Variants in KMT2A observed in about 807,000 individuals in gnomAD.
KMT2A encodes histone-lysine N-methyltransferase 2A.
KMT2A carries 16 observed loss-of-function variants against 345.3 expected under a neutral mutation model. The observed-to-expected ratio is 0.05, with a 90% CI of 0.03 to 0.07. The LOEUF (loss-of-function observed/expected upper bound fraction) is 0.07, where lower values mean the gene tolerates loss of function less well. Ranked by LOEUF, KMT2A falls within the 10% of genes least tolerant of loss-of-function variation. The probability of loss-of-function intolerance (pLI) is 1.00; values close to 1 mark genes in which losing one functional copy is unlikely to be tolerated. For synonymous variants in KMT2A, 1,599 were observed against 1,778.6 expected, an observed-to-expected ratio of 0.90 and a Z score of 2.54; for missense variants, 3,272 against 4,841.6, an observed-to-expected ratio of 0.68 and a Z score of 9.62.
chr11:118,496,157 G>T lies in KMT2A; in HGVS notation c.5558-104G>T. The T allele has an allele frequency of 1.1e-6, 1 of 878,472 alleles. No individual in the cohort carries two copies. Among genetic ancestry groups the T allele is most frequent in the African/African-American group, 1.7e-5 (1 of 60,212 alleles). 54.4% of individuals were successfully genotyped at this position (878,472 alleles called of 1,614,324 possible). ...GAAAAGTGGTTATTTTATAGGCTGT[G>T]GGCTATGTAAGCTGAATTATTTCTT... On this transcript the variant is annotated intron_variant, in intron 19 of 35. Transcript: ENST00000534358. This position sits in a 1 kb window ranked among gnomAD's most constrained non-coding sequence, Gnocchi z 4.7.
At chr11:118,467,184 C>A (rs1443468516) in intron 1 of KMT2A, among the ~76,000 whole-genome samples, 2 of 151,994 alleles carry the variant, frequency 1.3e-5, no homozygotes, top group African/African-American at 4.8e-5. Context: ...TGAGACCAAC[C>A]TGCCCAACAT....
chr11:118,452,641 G>C (rs1283008197), intron 1 of KMT2A, among the ~76,000 whole-genome samples: 1 of 131,618 alleles, frequency 7.6e-6, no homozygotes, highest in Non-Finnish European at 1.6e-5. Flanking sequence ...TTTCTTTCTT[G>C]TTTTTTTTTT....
Position 118,436,937 on chromosome 11 carries a change from G to A in KMT2A, c.425G>A (p.Ser142Asn), listed in dbSNP as rs1555138826. 2 of 1,534,248 alleles carry A rather than the reference G, an allele frequency of 1.3e-6. No individual in the cohort carries two copies. The highest frequency in any genetic ancestry group is 1.8e-6 in the Non-Finnish European group (2 of 1,137,864). ...VFGESGGGGG[S>N]GEDEQFLGFG... is the part of the protein sequence containing the mutation. ...GGGGAGAGCGGCGGGGGAGGCGGCA[G>A]CGGAGAGGTAAGGGGGCGAGGAACC... The change falls in exon 1 of 36, where the codon AGC becomes AAC. Residue 142 changes from serine to asparagine, a missense_variant. Around this residue, in one of 27 missense-constraint regions of KMT2A, gnomAD observed 412 missense variants for 511.0 expected, o/e 0.81. Coordinates refer to ENST00000534358, the MANE Select transcript of KMT2A (RefSeq NM_001197104.2). This position sits in a 1 kb window ranked among gnomAD's most constrained non-coding sequence, Gnocchi z 6.9.
intron 32 of KMT2A, 30 bp downstream of exon 32, chr11:118,519,822 T>C: frequency 6.2e-7 from 1 of 1,604,454 alleles, no homozygotes; most frequent in Non-Finnish European, 8.5e-7. Flanking sequence ...GTCAGCAGTT[T>C]TGGGTCTCGA....
intron 1 of KMT2A, chr11:118,439,158 CAAAA>C (rs34166714): frequency 2.3e-3 from 608 of 264,952 alleles, no homozygotes; most frequent in Non-Finnish European, 2.8e-3. Context: ...GATACAGCAG[CAAAA>C]AAAAAAAAAA....
Position 118,515,414 on chromosome 11 carries a change from T to C in KMT2A, c.11146+3389T>C, listed in dbSNP as rs1263124760. Among the ~76,000 whole-genome samples, 3 of 152,200 alleles carry C rather than the reference T, an allele frequency of 2.0e-5. No individual in the cohort carries two copies. In the East Asian group the frequency reaches 5.8e-4, roughly 29 times the overall value. On this transcript the variant is annotated intron_variant, in intron 31 of 35. Coordinates refer to ENST00000534358, the MANE Select transcript of KMT2A (RefSeq NM_001197104.2). ...TAAAGAGTGAGATAATTTATCATCT[T>C]ATATAACAGAAAGTCCAGAGGTAGG... is the stretch of plus-strand genomic sequence containing the variant.
chr11:118,462,093 A>C (rs1555032826), intron 1 of KMT2A, among the ~76,000 whole-genome samples: 1 of 152,188 alleles, frequency 6.6e-6, no homozygotes, highest in African/African-American at 2.4e-5. Flanking sequence ...AGCTGGGACT[A>C]CAGGCGCGTG....
At chr11:118,480,053 C>A in intron 5 of KMT2A, 121 bp from the exon 6 acceptor site, 2 of 749,268 alleles carry the variant, frequency 2.7e-6, no homozygotes, top group Non-Finnish European at 4.4e-6. Flanking sequence ...GTCCTTTTTT[C>A]AACTATAAAA....
chr11:118,437,535 A>C (rs1437985070), intron 1 of KMT2A, among the ~76,000 whole-genome samples: 99 of 71,788 alleles, frequency 1.4e-3, no homozygotes, highest in African/African-American at 1.8e-3. Flanking sequence ...CTTCACCTCC[A>C]CCCTCTACCC....
intron 24 of KMT2A, chr11:118,500,734 T>G: frequency 3.1e-6 from 1 of 323,916 alleles, no homozygotes; most frequent in Non-Finnish European, 5.7e-6. Context: ...GATGTTTTAC[T>G]ATATTTGGTG....
At chr11:118,448,615 A>G (rs1396036286) in intron 1 of KMT2A, 2 of 152,192 alleles carry the variant, frequency 1.3e-5, no homozygotes, top group Non-Finnish European at 2.9e-5. Flanking sequence ...TCATTGGGTT[A>G]TTGAAGCTTT....
chr11:118,454,855 T>A (rs547617104), intron 1 of KMT2A, among the ~76,000 whole-genome samples: 30 of 152,042 alleles, frequency 2.0e-4, no homozygotes, highest in East Asian at 1.2e-3. Flanking sequence ...TTTTTTTTTT[T>A]AATTTTAACT....
In KMT2A at chr11:118,501,089, C is replaced by T. The variant is rs575476436; in HGVS notation, c.6261C>T (p.Asn2087=). The change falls in exon 25 of 36, where the codon AAC becomes AAT. Residue 2087 remains asparagine (N), a synonymous_variant. Coordinates refer to ENST00000534358, the MANE Select transcript of KMT2A (RefSeq NM_001197104.2). The part of the protein sequence containing the change: ...CRPPVVEPDI[N]STVEHDENRT... ...CTCCAGTCGTAGAGCCGGATATCAA[C>T]AGCACTGTTGAACATGATGAAAACA... is the stretch of plus-strand genomic sequence containing the variant. The T allele has an allele frequency of 1.1e-5, 17 of 1,614,032 alleles. No individual in the cohort carries two copies. The highest frequency in any genetic ancestry group is 1.4e-5 in the Non-Finnish European group (17 of 1,180,006).
chr11:118,501,687 A>G lies in KMT2A; in HGVS notation c.6335A>G (p.Glu2112Gly), dbSNP rs782633253. The G allele has an allele frequency of 6.2e-7, 1 of 1,610,628 alleles. No homozygotes were observed. Among genetic ancestry groups the G allele is most frequent in the South Asian group, 1.1e-5 (1 of 89,872 alleles). The change falls in exon 26 of 36, where the codon GAG (glutamate) becomes GGG (glycine). Residue 2112 changes from glutamate (E) to glycine (G), a missense_variant. Coordinates refer to ENST00000534358, the MANE Select transcript of KMT2A (RefSeq NM_001197104.2). ...CCTGCCACAGAAAGTTCATCAAAAG[A>G]GAGTCAAAACACAGCTGAAATTATA... ...PTSFTESSSK[E>G]SQNTAEIISP...
intron 31 of KMT2A, among the ~76,000 whole-genome samples, chr11:118,513,952 A>AG (rs1230012194): frequency 1.3e-5 from 2 of 151,324 alleles, no homozygotes; most frequent in Non-Finnish European, 2.9e-5. Flanking sequence ...AAAAAAAAAA[A>AG]AAAAAAGAAA....
rs1555036366 is a variant in KMT2A at position 118,473,288 on chromosome 11, G to A, written c.2129G>A (p.Arg710Lys). 1 of 1,613,356 alleles carries A rather than the reference G, an allele frequency of 6.2e-7. No homozygotes were observed. Among genetic ancestry groups the A allele is most frequent in the Non-Finnish European group, 8.5e-7 (1 of 1,179,734 alleles). The change falls in exon 3 of 36, where the codon AGA becomes AAA. Residue 710 changes from arginine to lysine, a missense_variant. This residue lies in a region of KMT2A where 114 missense variants were observed against 203.2 expected (regional missense o/e 0.56). Coordinates refer to ENST00000534358, the MANE Select transcript of KMT2A (RefSeq NM_001197104.2). This position sits in a 1 kb window ranked among gnomAD's most constrained non-coding sequence, Gnocchi z 5.2. Reference sequence around the variant, plus strand: ...TTTACTCCAAGTGAGGCTCACTCTAGAATATTTGAGTCTGTAACCTTGCCT... The same window carrying A: ...TTTACTCCAAGTGAGGCTCACTCTAAAATATTTGAGTCTGTAACCTTGCCT... ...PRFTPSEAHSRIFESVTLPSN... is the reference protein window; with the variant it reads ...PRFTPSEAHSKIFESVTLPSN...
At position 118,525,901 on chromosome 11, in the gene KMT2A, GC is replaced by G. The variant is rs1951071883; in HGVS notation, c.*3731del. ...AAGGTTATGGAGCAGATGGTTTTGT[GC>G]CGAATCATGAATACTAGTCAAGTCA... is the stretch of plus-strand genomic sequence containing the variant. On this transcript the variant is annotated 3_prime_UTR_variant, in exon 36 of 36. Coordinates refer to ENST00000534358, the MANE Select transcript of KMT2A (RefSeq NM_001197104.2). 4.5e-6 allele frequency: 1 copy of G among 223,390 alleles called. No individual in the cohort carries two copies. The highest frequency in any genetic ancestry group is 8.9e-6 in the Non-Finnish European group (1 of 112,206). 13.8% of individuals were successfully genotyped at this position (223,390 alleles called of 1,614,324 possible).
chr11:118,519,649 C>A lies in KMT2A; in HGVS notation c.11178C>A (p.Leu3726=). 1 of 1,613,916 alleles carries A rather than the reference C, an allele frequency of 6.2e-7. No homozygotes were observed. Among genetic ancestry groups the A allele is most frequent in the South Asian group, 1.1e-5 (1 of 91,070 alleles). ...GVNGLRMLGI[L]HDAVVFLIEQ... is the part of the protein sequence containing the mutation. ...ACGGTTTGAGGATGCTGGGGATTCT[C>A]CATGATGCAGTTGTGTTCCTCATTG... The change falls in exon 32 of 36, where the codon CTC becomes CTA. Residue 3726 remains leucine, a synonymous_variant. Transcript: ENST00000534358.
chr11:118,496,963 TTG>T lies in KMT2A; in HGVS notation c.5664+600_5664+601del, dbSNP rs1950418994. On this transcript the variant is annotated intron_variant, in intron 20 of 35. Transcript: ENST00000534358. The surrounding 1 kb of genome is among the most constrained non-coding windows in gnomAD (Gnocchi z 4.7). The stretch of plus-strand genomic sequence containing the variant: ...AAGCTACAATTTTTTTAAAAGTTTT[TTG>T]TGTTTTTTGTTTTGTTTTGTTTTGT... Among the ~76,000 whole-genome samples, 1 of 152,150 alleles carries T rather than the reference TTG, an allele frequency of 6.6e-6. No individual in the cohort carries two copies. The highest frequency in any genetic ancestry group is 1.5e-5 in the Non-Finnish European group (1 of 68,028).
Sources: allele counts gnomAD v4.1 joint callset (sites outside exome capture counted in the v4.1 genomes callset), GRCh38; gene constraint gnomAD v4.1.1; regional missense constraint gnomAD v4.1.1; non-coding constraint Gnocchi (gnomAD v3.1); transcripts MANE v1.5; gene names NCBI Gene and HGNC (gene_info 2026-07-23, HGNC 2026-07-21).